Variants in CAMTA1 observed in about 807,000 individuals in gnomAD.
The protein encoded by CAMTA1 is calmodulin-binding transcription activator 1.
In CAMTA1, 27 loss-of-function variants were observed where a neutral mutation model predicts 170.9. That is an observed-to-expected ratio of 0.16 (90% CI 0.12 to 0.22). The LOEUF (loss-of-function observed/expected upper bound fraction) is 0.22, where lower values mean the gene tolerates loss of function less well. CAMTA1 is among the 10% of genes least tolerant of loss of function. The pLI is 1.00. For missense variants in CAMTA1, 1,619 were observed against 2,217.2 expected (o/e 0.73, Z 5.42); for synonymous variants, 833 against 891.5 (o/e 0.93, Z 1.17).
intron 4 of CAMTA1, among the ~76,000 whole-genome samples, chr1:7,246,211 ACTTTGTGG>A (rs997789282): frequency 2.0e-5 from 3 of 152,202 alleles, no homozygotes; most frequent in Admixed American, 1.3e-4. Flanking sequence ...CTGCCTGAAC[ACTTTGTGG>A]CTAGAATGGT....
At chr1:7,281,500 C>A (rs1435917829) in intron 5 of CAMTA1, among the ~76,000 whole-genome samples, 1 of 151,996 alleles carries the variant, frequency 6.6e-6, no homozygotes, top group Admixed American at 6.5e-5. Flanking sequence ...GTCAAAGCAG[C>A]AAAGTAGGAA....
intron 3 of CAMTA1, among the ~76,000 whole-genome samples, chr1:6,879,619 T>C (rs1020322153): frequency 7.3e-5 from 11 of 150,580 alleles, no homozygotes; most frequent in African/African-American, 2.7e-4. Flanking sequence ...TTTTCTTTTT[T>C]TTTTTTTTTT....
chr1:7,214,296 C>A (rs1321499956), intron 4 of CAMTA1, among the ~76,000 whole-genome samples: 1 of 152,198 alleles, frequency 6.6e-6, no homozygotes, highest in Admixed American at 6.5e-5. Context: ...TTAATGGTCA[C>A]CATTCTAACT....
chr1:7,081,995 C>T (rs984374042), intron 3 of CAMTA1, among the ~76,000 whole-genome samples: 8 of 152,194 alleles, frequency 5.3e-5, no homozygotes, highest in African/African-American at 1.9e-4. Flanking sequence ...GCCCCATTTA[C>T]CTTGCTTTTG....
chr1:7,122,143 G>A (rs377356275), intron 4 of CAMTA1, among the ~76,000 whole-genome samples: 16 of 151,974 alleles, frequency 1.1e-4, no homozygotes, highest in South Asian at 6.2e-4. Flanking sequence ...CGCTCCTCTC[G>A]CCCTCCCTGT....
chr1:7,116,193 G>T (rs981009518), intron 4 of CAMTA1, among the ~76,000 whole-genome samples: 1 of 152,014 alleles, frequency 6.6e-6, no homozygotes, highest in Non-Finnish European at 1.5e-5. Flanking sequence ...CTCTTGACGG[G>T]TAACCTCCAG....
rs371908963 is a variant in CAMTA1 at position 7,057,758 on chromosome 1, C to T, written c.235-33546C>T. Among the ~76,000 whole-genome samples the T allele has an allele frequency of 1.4e-4, 22 of 152,212 alleles. 1 individual carries two copies. The highest frequency in any genetic ancestry group is 4.8e-4 in the African/African-American group (20 of 41,444). On this transcript the variant is annotated intron_variant, in intron 3 of 22. Coordinates refer to ENST00000303635, the MANE Select transcript of CAMTA1 (RefSeq NM_015215.4). ...CAGATGAGGTTGTGGCATAGCAAGT[C>T]CCCTGGCCCAGATATAGTCACGGTT...
At chr1:7,393,617 T>C (rs921465811) in intron 5 of CAMTA1, among the ~76,000 whole-genome samples, 2 of 152,168 alleles carry the variant, frequency 1.3e-5, no homozygotes, top group Admixed American at 1.3e-4. Flanking sequence ...TACAGTGCAA[T>C]GTTTTGACAC....
chr1:7,371,727 G>C (rs902565670), intron 5 of CAMTA1, among the ~76,000 whole-genome samples: 2 of 152,212 alleles, frequency 1.3e-5, no homozygotes, highest in Non-Finnish European at 2.9e-5. Flanking sequence ...CCACATCCCC[G>C]ACATTCATTT....
At position 7,766,584 on chromosome 1, in the gene CAMTA1, C is replaced by T. The variant is rs546464639; in HGVS notation, c.*93C>T. 41 of 981,618 alleles carry T rather than the reference C, an allele frequency of 4.2e-5. No individual in the cohort carries two copies. Among genetic ancestry groups the T allele is most frequent in the African/African-American group, 6.4e-5 (4 of 62,358 alleles). 60.8% of individuals were successfully genotyped at this position (981,618 alleles called of 1,614,324 possible). On this transcript the variant is annotated 3_prime_UTR_variant, in exon 23 of 23. Coordinates refer to ENST00000303635, the MANE Select transcript of CAMTA1 (RefSeq NM_015215.4). ...CAGAGACATGCAACAACAACACACA[C>T]GCACACACGCACACACACACACGTA...
intron 3 of CAMTA1, among the ~76,000 whole-genome samples, chr1:6,958,179 A>G (rs1016686177): frequency 6.6e-6 from 1 of 152,146 alleles, no homozygotes; most frequent in African/African-American, 2.4e-5. Flanking sequence ...ATTAGCATCC[A>G]CCTTTCCCCT....
At position 7,680,499 on chromosome 1, in the gene CAMTA1, G is replaced by A. The variant is rs1016795112; in HGVS notation, c.2914+2766G>A. 6.6e-5 allele frequency among the ~76,000 whole-genome samples: 10 copies of A among 151,594 alleles called. No homozygotes were observed. Among genetic ancestry groups the A allele is most frequent in the African/African-American group, 1.2e-4 (5 of 41,280 alleles). ...CCGCCGACGCGCAGCCGCAATGCGG[G>A]GCCCTTCGCGGAACTGCTGGCGGCG... On this transcript the variant is annotated intron_variant, in intron 11 of 22. Coordinates refer to ENST00000303635, the MANE Select transcript of CAMTA1 (RefSeq NM_015215.4). The surrounding 1 kb of genome is among the most constrained non-coding windows in gnomAD (Gnocchi z 4.4).
At chr1:7,709,931 C>T (rs1403477712) in intron 11 of CAMTA1, among the ~76,000 whole-genome samples, 1 of 152,174 alleles carries the variant, frequency 6.6e-6, no homozygotes, top group Admixed American at 6.5e-5. Flanking sequence ...GTGCTGGCTT[C>T]TATTTCTTTC....
At chr1:7,655,575 T>C (rs1558066380) in intron 7 of CAMTA1, among the ~76,000 whole-genome samples, 2 of 126,884 alleles carry the variant, frequency 1.6e-5, no homozygotes, top group South Asian at 5.7e-4. Flanking sequence ...CACACCCACC[T>C]ACACACACAA....
chr1:7,767,167 G>A lies in CAMTA1; in HGVS notation c.*676G>A, dbSNP rs1245198668. ...GCAGAGGGGCAGGTGTGTGGTAAACGGGTAATGCATGGGAAATAATGAGAA... is the reference window on the plus strand; with the variant it reads ...GCAGAGGGGCAGGTGTGTGGTAAACAGGTAATGCATGGGAAATAATGAGAA... On this transcript the variant is annotated 3_prime_UTR_variant, in exon 23 of 23. Transcript: ENST00000303635. The A allele has an allele frequency of 6.5e-6, 1 of 152,708 alleles. No homozygotes were observed. The highest frequency in any genetic ancestry group is 2.4e-5 in the African/African-American group (1 of 41,414). The allele number at this position is 152,708 out of a possible 1,614,324, so 9.5% of individuals were successfully genotyped here. A position where few individuals can be genotyped will look rare whatever the true frequency, so the allele number is the denominator to read the frequency against.
chr1:7,563,428 G>A (rs1312110418), intron 6 of CAMTA1, among the ~76,000 whole-genome samples: 1 of 152,168 alleles, frequency 6.6e-6, no homozygotes, highest in Non-Finnish European at 1.5e-5. Context: ...AGCGAGGCTC[G>A]GTGGGACCTG....
chr1:7,588,952 CT>C lies in CAMTA1; in HGVS notation c.511-51446del, dbSNP rs918055248. 5.9e-5 allele frequency among the ~76,000 whole-genome samples: 9 copies of C among 152,156 alleles called. No individual in the cohort carries two copies. Among genetic ancestry groups the C allele is most frequent in the Non-Finnish European group, 1.3e-4 (9 of 68,028 alleles). ...ACTGATCGTGCTTGGATAAGTGCAG[CT>C]TAAAATTGAAAACCAAGCAATTTAC... On this transcript the variant is annotated intron_variant, in intron 6 of 22. Coordinates refer to ENST00000303635, the MANE Select transcript of CAMTA1 (RefSeq NM_015215.4). The surrounding 1 kb of genome is among the most constrained non-coding windows in gnomAD (Gnocchi z 5.8).
intron 9 of CAMTA1, 25 bp from the exon 10 acceptor site, chr1:7,670,886 C>T: frequency 6.2e-7 from 1 of 1,612,396 alleles, no homozygotes; most frequent in Non-Finnish European, 8.5e-7. Context: ...CACTCCAACT[C>T]TGTTCCCCTC....
At chr1:7,707,173 C>T (rs1046574553) in intron 11 of CAMTA1, among the ~76,000 whole-genome samples, 4 of 152,068 alleles carry the variant, frequency 2.6e-5, no homozygotes, top group South Asian at 2.1e-4. Flanking sequence ...CGTGAGCCAC[C>T]GTGCCTGGCC....
Sources: gnomAD v4.1 joint callset for allele counts (sites outside exome capture counted in the v4.1 genomes callset) on GRCh38, gnomAD v4.1.1 for gene constraint, Gnocchi (gnomAD v3.1) non-coding constraint, MANE v1.5 for transcripts, NCBI Gene and HGNC (gene_info 2026-07-23, HGNC 2026-07-21) for gene names.